Variants in ITCH observed in about 807,000 individuals in gnomAD.
ITCH encodes the protein itchy E3 ubiquitin protein ligase, also known as E3 ubiquitin-protein ligase Itchy homolog.
A neutral mutation model predicts 126.8 loss-of-function variants in ITCH; 28 were observed. The ratio of observed to expected loss-of-function variants is 0.22; its 90% CI spans 0.16 to 0.30. The LOEUF (loss-of-function observed/expected upper bound fraction) is 0.30, where lower values mean the gene tolerates loss of function less well. Among genes scored for constraint, ITCH ranks in the 10% least tolerant of loss-of-function variants. The probability of loss-of-function intolerance (pLI) is 1.00; values close to 1 mark genes in which losing one functional copy is unlikely to be tolerated. For synonymous variants in ITCH, 342 were observed against 340.0 expected, an observed-to-expected ratio of 1.01 and a Z score of -0.06; for missense variants, 631 against 1,032.4, an observed-to-expected ratio of 0.61 and a Z score of 5.33.
chr20:34,440,286 T>G lies in ITCH; in HGVS notation c.811T>G (p.Ser271Ala). ...TSGLIIPLTI[S>A]GGSGPRPLNP... ...TGGATTAATAATTCCTCTTACTATA[T>G]CTGGAGGCTCAGGCCCTAGGCCATT... The change falls in exon 9 of 25, where the codon TCT (serine) becomes GCT (alanine). Residue 271 changes from serine (S) to alanine (A), a missense_variant. Ser to Ala is a moderately conservative substitution (Grantham distance 99, BLOSUM62 1). This residue lies in a region of ITCH where 390 missense variants were observed against 731.6 expected (regional missense o/e 0.53). Transcript: ENST00000374864. 6.2e-7 allele frequency: 1 copy of G among 1,614,120 alleles called. No individual in the cohort carries two copies. The highest frequency in any genetic ancestry group is 8.5e-7 in the Non-Finnish European group (1 of 1,179,990).
intron 23 of ITCH, among the ~76,000 whole-genome samples, chr20:34,501,557 C>T (rs1441150315): frequency 6.6e-6 from 1 of 152,090 alleles, no homozygotes. Context: ...GGGCGGATCA[C>T]CTGAGGTTGG....
At chr20:34,406,167 G>T (rs1259410536) in intron 3 of ITCH, among the ~76,000 whole-genome samples, 1 of 151,896 alleles carries the variant, frequency 6.6e-6, no homozygotes, top group Non-Finnish European at 1.5e-5. Context: ...GGGACTACAG[G>T]TGCACGCCAT....
At chr20:34,503,892 T>TTG (rs1990447229) in intron 23 of ITCH, among the ~76,000 whole-genome samples, 1 of 144,754 alleles carries the variant, frequency 6.9e-6, no homozygotes, top group East Asian at 2.0e-4. Context: ...TTGGTTTTTT[T>TTG]TTTTTTTGAG....
chr20:34,418,151 G>T (rs144451876), intron 6 of ITCH, among the ~76,000 whole-genome samples: 3 of 151,644 alleles, frequency 2.0e-5, no homozygotes, highest in Non-Finnish European at 4.4e-5. Context: ...ATTTTTTGTA[G>T]ACAGGTTCTC....
intron 12 of ITCH, among the ~76,000 whole-genome samples, chr20:34,454,817 GTTTTTTTTTTTTTTTTTTT>G (rs200486269): frequency 9.1e-6 from 1 of 109,538 alleles, no homozygotes; most frequent in East Asian, 2.8e-4. Flanking sequence ...TTCTTTTCCT[GTTTTTTTTTTTTTTTTTTT>G]TTTTTTTTTT....
At chr20:34,485,422 A>G (rs1414461625) in intron 20 of ITCH, among the ~76,000 whole-genome samples, 2 of 152,188 alleles carry the variant, frequency 1.3e-5, no homozygotes, top group African/African-American at 4.8e-5. Flanking sequence ...GTTCTTGCCA[A>G]TTCAGCATTG....
intron 19 of ITCH, 33 bp from the exon 20 acceptor site, chr20:34,481,033 A>T (rs774043234): frequency 1.9e-6 from 3 of 1,606,090 alleles, no homozygotes; most frequent in Admixed American, 3.3e-5. Flanking sequence ...GAATTGGTGG[A>T]TATAACAAAT....
intron 14 of ITCH, among the ~76,000 whole-genome samples, chr20:34,464,953 C>T (rs1986911814): frequency 6.6e-6 from 1 of 152,096 alleles, no homozygotes; most frequent in South Asian, 2.1e-4. Flanking sequence ...TCGTGATCCA[C>T]ACCCCCTCAG....
intron 4 of ITCH, among the ~76,000 whole-genome samples, chr20:34,412,221 A>G (rs1043699946): frequency 6.6e-6 from 1 of 152,244 alleles, no homozygotes; most frequent in Non-Finnish European, 1.5e-5. Flanking sequence ...GTACTACTAA[A>G]GTAAAACTAG....
intron 7 of ITCH, among the ~76,000 whole-genome samples, chr20:34,429,158 C>T (rs367653153): frequency 5.3e-5 from 8 of 152,088 alleles, no homozygotes; most frequent in African/African-American, 1.7e-4. Flanking sequence ...AGGTTGGTCT[C>T]GAACTTCTGA....
chr20:34,511,136 TTTTG>T lies in ITCH; in HGVS notation c.*3346_*3349del, dbSNP rs1160036894. On this transcript the variant is annotated 3_prime_UTR_variant, in exon 25 of 25. Coordinates refer to ENST00000374864, the MANE Select transcript of ITCH (RefSeq NM_031483.7). ...TTGGTATCTCCAGCCCCCCTCCTTT[TTTTG>T]TTTTTCTTTTAGTTATTTACTTTGT... The T allele has an allele frequency of 4.6e-5, 7 of 152,352 alleles. 1 individual carries two copies. Among genetic ancestry groups the T allele is most frequent in the Admixed American group, 4.6e-4 (7 of 15,310 alleles). The allele number at this position is 152,352 out of a possible 1,614,324, so 9.4% of individuals were successfully genotyped here.
intron 3 of ITCH, chr20:34,402,691 C>G: frequency 2.0e-6 from 1 of 494,662 alleles, no homozygotes. Context: ...ACTTAATTGT[C>G]TGCATTGCTG....
intron 6 of ITCH, among the ~76,000 whole-genome samples, chr20:34,423,512 GT>G (rs1282511837): frequency 1.3e-5 from 2 of 152,092 alleles, no homozygotes; most frequent in Non-Finnish European, 2.9e-5. Flanking sequence ...TTGAGTTCTT[GT>G]TTCTACATGT....
chr20:34,398,642 A>AC (rs1455676051), intron 3 of ITCH, among the ~76,000 whole-genome samples: 4 of 151,564 alleles, frequency 2.6e-5, no homozygotes, highest in African/African-American at 4.8e-5. Context: ...CAGGTGATCC[A>AC]CCCGCCTCTG....
chr20:34,417,068 C>A, intron 6 of ITCH: 1 of 602,364 alleles, frequency 1.7e-6, no homozygotes, highest in Non-Finnish European at 3.1e-6. Flanking sequence ...TGCCACCACA[C>A]CTGGCTAATT....
intron 6 of ITCH, among the ~76,000 whole-genome samples, chr20:34,421,178 G>A (rs974088352): frequency 1.3e-5 from 2 of 152,096 alleles, no homozygotes; most frequent in African/African-American, 4.8e-5. Flanking sequence ...TCACAGGAAC[G>A]GTCATAGCAC....
intron 7 of ITCH, among the ~76,000 whole-genome samples, chr20:34,433,524 A>G (rs2146260416): frequency 6.6e-6 from 1 of 152,252 alleles, no homozygotes; most frequent in Non-Finnish European, 1.5e-5. Context: ...CAAAAAATAC[A>G]AAAATTAGCC....
chr20:34,480,773 T>C (rs1007799351), intron 19 of ITCH, 41 bp downstream of exon 19: 3 of 1,457,568 alleles, frequency 2.1e-6, no homozygotes, highest in East Asian at 2.3e-5. Flanking sequence ...AATATAGTTA[T>C]ATGCATTCCG....
chr20:34,410,165 C>T (rs766860617), intron 4 of ITCH, among the ~76,000 whole-genome samples: 5 of 151,862 alleles, frequency 3.3e-5, no homozygotes, highest in Non-Finnish European at 5.9e-5. Flanking sequence ...GTCAGGAGTT[C>T]GAGACCAGCC....
Sources: allele counts gnomAD v4.1 joint callset (sites outside exome capture counted in the v4.1 genomes callset), GRCh38; gene constraint gnomAD v4.1.1; regional missense constraint gnomAD v4.1.1; transcripts MANE v1.5; gene names NCBI Gene and HGNC (gene_info 2026-07-23, HGNC 2026-07-21).